The following PTPRD variants were observed in gnomAD, a reference collection of about 807,000 sequenced individuals.
PTPRD encodes receptor-type tyrosine-protein phosphatase delta.
PTPRD carries 34 observed loss-of-function variants against 214.5 expected under a neutral mutation model. The ratio of observed to expected loss-of-function variants is 0.16; its 90% confidence interval spans 0.12 to 0.21. The LOEUF (loss-of-function observed/expected upper bound fraction) is 0.21. Ranked by LOEUF, PTPRD falls within the 10% of genes least tolerant of loss-of-function variation. The probability of loss-of-function intolerance (pLI) is 1.00; values close to 1 mark genes in which losing one functional copy is unlikely to be tolerated. For missense variants in PTPRD, 2,545 were observed against 2,398.7 expected, an observed-to-expected ratio of 1.06 and a Z score of -1.27; for synonymous variants, 1,128 against 845.7, an observed-to-expected ratio of 1.33 and a Z score of -5.79.
At chr9:8,453,492 A>T (rs1275804556) in intron 33 of PTPRD, among the ~76,000 whole-genome samples, 2 of 152,166 alleles carry the variant, frequency 1.3e-5, no homozygotes, top group Non-Finnish European at 2.9e-5. Flanking sequence ...AAGTGAGTTT[A>T]AAGTGTTTTG....
chr9:10,345,986 T>G (rs532232187), intron 2 of PTPRD, among the ~76,000 whole-genome samples: 2 of 152,326 alleles, frequency 1.3e-5, no homozygotes, highest in African/African-American at 4.8e-5. Flanking sequence ...TTCATTGCGG[T>G]TTTGATTTGC....
At chr9:8,383,345 C>T (rs2085797891) in intron 37 of PTPRD, among the ~76,000 whole-genome samples, 1 of 152,072 alleles carries the variant, frequency 6.6e-6, no homozygotes, top group South Asian at 2.1e-4. Flanking sequence ...AGAAGTGTTC[C>T]ACCAGCCAAA....
intron 5 of PTPRD, among the ~76,000 whole-genome samples, chr9:9,839,774 G>C (rs555035634): frequency 1.8e-4 from 27 of 152,194 alleles, no homozygotes; most frequent in African/African-American, 6.3e-4. Context: ...AACAAAGCTG[G>C]AGGCATCACG....
chr9:8,967,476 G>T (rs1467395080), intron 11 of PTPRD, among the ~76,000 whole-genome samples: 1 of 151,990 alleles, frequency 6.6e-6, no homozygotes, highest in African/African-American at 2.4e-5. Flanking sequence ...ATATACCATG[G>T]AATACTACAT....
intron 3 of PTPRD, among the ~76,000 whole-genome samples, chr9:10,089,591 G>A (rs35443647): frequency 0.18 from 27,573 of 151,550 alleles, 2,971 homozygotes; most frequent in South Asian, 0.34. Context: ...CATGATCTAG[G>A]TGATTAAGTA....
chr9:10,349,741 C>A (rs1212647689), intron 2 of PTPRD, among the ~76,000 whole-genome samples: 1 of 152,136 alleles, frequency 6.6e-6, no homozygotes, highest in Admixed American at 6.5e-5. Context: ...CTTTGGTAGG[C>A]TGAATAATTG....
In PTPRD at chr9:9,492,258, A is replaced by T. The variant is rs188209602; in HGVS notation, c.-237+82474T>A. Among the ~76,000 whole-genome samples, 617 of 151,620 alleles carry T rather than the reference A, an allele frequency of 4.1e-3. 1 individual carries two copies. The highest frequency in any genetic ancestry group is 0.013 in the African/African-American group (550 of 41,410). On this transcript the variant is annotated intron_variant, in intron 8 of 45. Coordinates refer to ENST00000381196, the MANE Select transcript of PTPRD (RefSeq NM_002839.4). ...AGATTGTATCAATAATAAAAAAAAA[A>T]CCTGACATATATCTTCTATATATAA...
In PTPRD at chr9:9,183,318, C is replaced by T. The variant is rs1241523711; in HGVS notation, c.-157G>A. 2.6e-5 allele frequency: 4 copies of T among 151,812 alleles called. No homozygotes were observed. The highest frequency in any genetic ancestry group is 4.4e-5 in the Non-Finnish European group (3 of 67,932). The allele number at this position is 151,812 out of a possible 1,614,324, so 9.4% of individuals were successfully genotyped here. A position where few individuals can be genotyped will look rare whatever the true frequency, so the allele number is the denominator to read the frequency against. The stretch of plus-strand genomic sequence containing the variant: ...TGTGGACTCACCTTGAGTTAGCCAC[C>T]GTCGGTGTTTTCAGACACAGTCCCT... On this transcript the variant is annotated 5_prime_UTR_variant, in exon 10 of 46. Transcript: ENST00000381196.
At chr9:9,931,742 G>A (rs575967345) in intron 5 of PTPRD, among the ~76,000 whole-genome samples, 34 of 151,988 alleles carry the variant, frequency 2.2e-4, no homozygotes, top group Non-Finnish European at 4.3e-4. Flanking sequence ...AAGGAGGCCT[G>A]CCTACCTCTG....
intron 4 of PTPRD, among the ~76,000 whole-genome samples, chr9:10,028,825 G>C (rs185265876): frequency 6.6e-6 from 1 of 152,180 alleles, no homozygotes; most frequent in Admixed American, 6.5e-5. Flanking sequence ...ATTCAAGTCG[G>C]CTGCAGACAT....
At chr9:9,560,074 C>T (rs1420374461) in intron 8 of PTPRD, among the ~76,000 whole-genome samples, 2 of 152,220 alleles carry the variant, frequency 1.3e-5, no homozygotes, top group African/African-American at 2.4e-5. Context: ...ACTACACTTC[C>T]ACCAACCACA....
At chr9:9,283,187 G>A (rs570527329) in intron 9 of PTPRD, among the ~76,000 whole-genome samples, 2 of 151,526 alleles carry the variant, frequency 1.3e-5, no homozygotes, top group Admixed American at 6.6e-5. Flanking sequence ...CTTGATCTAT[G>A]CTTTCTATGT....
intron 5 of PTPRD, among the ~76,000 whole-genome samples, chr9:9,933,101 T>A (rs10978105): frequency 6.7e-6 from 1 of 149,944 alleles, no homozygotes; most frequent in Non-Finnish European, 1.5e-5. Context: ...AAGGAACAAC[T>A]GGTACCAGCC....
chr9:10,481,224 A>G (rs1025555399), intron 2 of PTPRD, among the ~76,000 whole-genome samples: 2 of 152,212 alleles, frequency 1.3e-5, no homozygotes, highest in Admixed American at 6.5e-5. Context: ...GATATTATCA[A>G]GCCAATGAAT....
chr9:8,835,185 A>G (rs899541668), intron 11 of PTPRD, among the ~76,000 whole-genome samples: 1 of 152,228 alleles, frequency 6.6e-6, no homozygotes, highest in African/African-American at 2.4e-5. Flanking sequence ...TGGCATAGCT[A>G]GACATCACCT....
At chr9:9,458,996 A>C (rs1316984452) in intron 8 of PTPRD, among the ~76,000 whole-genome samples, 2 of 152,122 alleles carry the variant, frequency 1.3e-5, no homozygotes, top group South Asian at 4.1e-4. Flanking sequence ...TCAGAGTTGC[A>C]GGTGAATGGT....
intron 11 of PTPRD, among the ~76,000 whole-genome samples, chr9:8,969,345 C>T (rs1247588637): frequency 1.3e-5 from 2 of 152,030 alleles, no homozygotes; most frequent in African/African-American, 4.8e-5. Context: ...CATGCACAGA[C>T]TATGACCATC....
intron 11 of PTPRD, among the ~76,000 whole-genome samples, chr9:8,822,633 A>G (rs537014119): frequency 6.6e-6 from 1 of 152,336 alleles, no homozygotes; most frequent in South Asian, 2.1e-4. Context: ...CAATAACAAT[A>G]TTATTGAGGA....
intron 5 of PTPRD, among the ~76,000 whole-genome samples, chr9:9,930,018 T>G (rs17303364): frequency 0.02 from 3,025 of 152,278 alleles, 39 homozygotes; most frequent in Non-Finnish European, 0.032. Flanking sequence ...ATACTCAGTC[T>G]GTAGGAAACA....
Sources: gnomAD v4.1 joint callset for allele counts (sites outside exome capture counted in the v4.1 genomes callset) on GRCh38, gnomAD v4.1.1 for gene constraint, MANE v1.5 for transcripts, NCBI Gene and HGNC (gene_info 2026-07-23, HGNC 2026-07-21) for gene names.